The following MAFK variants were observed in gnomAD, a reference collection of about 807,000 sequenced individuals.
MAFK encodes the protein transcription factor MafK.
MAFK carries 1 observed loss-of-function variant against 9.2 expected under a neutral mutation model. That is an observed-to-expected ratio of 0.11 (90% CI 0.04 to 0.52). MAFK has a LOEUF of 0.52. Among genes scored for constraint, MAFK ranks in the 20% least tolerant of loss-of-function variants. The pLI is 0.94. For missense variants in MAFK, 207 were observed against 236.0 expected, an observed-to-expected ratio of 0.88 and a Z score of 0.81; for synonymous variants, 110 against 107.4, an observed-to-expected ratio of 1.02 and a Z score of -0.15.
In MAFK at chr7:1,534,052, A is replaced by C. The variant is rs1431106753; in HGVS notation, c.-45+3154A>C. ...CACAGCTTCCTCAGACTGCAAATGC[A>C]AGGTGACCAGACGTCCTCCAAGCCG... On this transcript the variant is annotated intron_variant, in intron 1 of 2. Coordinates refer to ENST00000343242, the MANE Select transcript of MAFK (RefSeq NM_002360.4). The surrounding 1 kb of genome is among the most constrained non-coding windows in gnomAD (Gnocchi z 4.3). The C allele has an allele frequency of 2.8e-6, 1 of 358,546 alleles. No homozygotes were observed. The highest frequency in any genetic ancestry group is 5.6e-6 in the Non-Finnish European group (1 of 177,656). The allele number at this position is 358,546 out of a possible 1,614,324, so 22.2% of individuals were successfully genotyped here.
chr7:1,539,883 G>T, intron 2 of MAFK, 58 bp from the exon 3 acceptor site: 1 of 1,404,692 alleles, frequency 7.1e-7, no homozygotes, highest in South Asian at 1.4e-5. Context: ...CCCCAGTGTC[G>T]GTCCCAGGCA....
rs1784139289 is a variant in MAFK at position 1,540,072 on chromosome 7, G to A, written c.168G>A (p.Arg56=). The change falls in exon 3 of 3, where the codon CGG becomes CGA. Residue 56 remains arginine (R), a synonymous_variant. Transcript: ENST00000343242. The stretch of plus-strand genomic sequence containing the variant: ...AGGTGACCCGCCTGAAGCAGCGTCG[G>A]CGCACACTCAAGAACCGCGGCTACG... ...KEEVTRLKQR[R]RTLKNRGYAA... is the part of the protein sequence containing the mutation. The A allele has an allele frequency of 2.6e-6, 4 of 1,563,036 alleles. No individual in the cohort carries two copies. Among genetic ancestry groups the A allele is most frequent in the Non-Finnish European group, 3.5e-6 (4 of 1,153,764 alleles).
At chr7:1,533,350 C>A (rs913792339) in intron 1 of MAFK, among the ~76,000 whole-genome samples, 3 of 152,186 alleles carry the variant, frequency 2.0e-5, no homozygotes, top group African/African-American at 7.2e-5. Context: ...CTTCTCCCTG[C>A]TTGCAAGGAG....
intron 1 of MAFK, 112 bp from the exon 2 acceptor site, chr7:1,539,037 C>T (rs999174984): frequency 1.2e-6 from 1 of 803,588 alleles, no homozygotes; most frequent in African/African-American, 1.7e-5. Flanking sequence ...TTTCATGGTG[C>T]TGTGACTGTC....
intron 2 of MAFK, 55 bp downstream of exon 2, chr7:1,539,283 C>G: frequency 7.0e-7 from 1 of 1,431,490 alleles, no homozygotes; most frequent in Non-Finnish European, 9.6e-7. Context: ...GAAAGGCCCC[C>G]GGCCCGACAG....
Position 1,540,226 on chromosome 7 carries a change from C to A in MAFK, c.322C>A (p.Arg108Ser), listed in dbSNP as rs768259709. Residue 108 changes from arginine (R) to serine (S), a missense_variant, in exon 3 of 3, where the codon CGC (arginine) becomes AGC (serine). Transcript: ENST00000343242. ...CATGCGGCTGGAGCTGGACGCCCTG[C>A]GCTCCAAGTACGAGGCGCTGCAGAC... ...SSMRLELDAL[R>S]SKYEALQTFA... 9 of 1,602,258 alleles carry A rather than the reference C, an allele frequency of 5.6e-6. No individual in the cohort carries two copies. The highest frequency in any genetic ancestry group is 5.1e-6 in the Non-Finnish European group (6 of 1,175,464).
At chr7:1,533,694 G>C (rs991916683) in intron 1 of MAFK, among the ~76,000 whole-genome samples, 4 of 152,086 alleles carry the variant, frequency 2.6e-5, no homozygotes, top group African/African-American at 9.7e-5. Flanking sequence ...TGTGGGTTCA[G>C]GCGGGTGATG....
chr7:1,533,774 G>A (rs1179694053), intron 1 of MAFK, among the ~76,000 whole-genome samples: 1 of 151,940 alleles, frequency 6.6e-6, no homozygotes, highest in Non-Finnish European at 1.5e-5. Flanking sequence ...GGCAACTCCG[G>A]TGAATGATGC....
Position 1,534,922 on chromosome 7 carries a change from A to G in MAFK, c.-45+4024A>G, listed in dbSNP as rs982202137. 5.3e-5 allele frequency among the ~76,000 whole-genome samples: 8 copies of G among 151,682 alleles called. No individual in the cohort carries two copies. Among genetic ancestry groups the G allele is most frequent in the African/African-American group, 1.9e-4 (8 of 41,290 alleles). ...CACTCTCTCTTTTTTTTTTTCCTAAAAGATAAGGTCTTGCCCTGTCACTCA... is the reference window on the plus strand; with the variant it reads ...CACTCTCTCTTTTTTTTTTTCCTAAGAGATAAGGTCTTGCCCTGTCACTCA... On this transcript the variant is annotated intron_variant, in intron 1 of 2. Coordinates refer to ENST00000343242, the MANE Select transcript of MAFK (RefSeq NM_002360.4). The surrounding 1 kb of genome is among the most constrained non-coding windows in gnomAD (Gnocchi z 4.3).
chr7:1,542,668 A>G lies in MAFK; in HGVS notation c.*2293A>G, dbSNP rs914591462. 3.3e-5 allele frequency: 5 copies of G among 152,372 alleles called. No homozygotes were observed. Among genetic ancestry groups the G allele is most frequent in the East Asian group, 1.9e-4 (1 of 5,196 alleles). The allele number at this position is 152,372 out of a possible 1,614,324, so 9.4% of individuals were successfully genotyped here. A position where few individuals can be genotyped will look rare whatever the true frequency, so the allele number is the denominator to read the frequency against. The stretch of plus-strand genomic sequence containing the variant: ...AAATTTCATTGTCATGATTTAATAT[A>G]TGGATTTTTTTATTTAAGAAAAAGA... On this transcript the variant is annotated 3_prime_UTR_variant, in exon 3 of 3. Coordinates refer to ENST00000343242, the MANE Select transcript of MAFK (RefSeq NM_002360.4).
At position 1,540,027 on chromosome 7, in the gene MAFK, G is replaced by C. The variant is rs1223673992; in HGVS notation, c.123G>C (p.Leu41=). 17 of 1,559,358 alleles carry C rather than the reference G, an allele frequency of 1.1e-5. No individual in the cohort carries two copies. The highest frequency in any genetic ancestry group is 1.5e-5 in the Non-Finnish European group (17 of 1,151,748). The change falls in exon 3 of 3, where the codon CTG becomes CTC. Residue 41 remains leucine, a synonymous_variant. Coordinates refer to ENST00000343242, the MANE Select transcript of MAFK (RefSeq NM_002360.4). The part of the protein sequence containing the change: ...SMSVRELNQH[L]RGLTKEEVTR... The stretch of plus-strand genomic sequence containing the variant: ...CGGTGCGGGAGCTGAACCAGCACCT[G>C]CGGGGTCTCACCAAGGAGGAGGTGA...
Position 1,533,624 on chromosome 7 carries a change from C to T in MAFK, c.-45+2726C>T, listed in dbSNP as rs1049293383. ...GCACCAGGATCAGGGTGAGGGCATC[C>T]CATTTGGCAAAGCTGTGGTCCAGAC... On this transcript the variant is annotated intron_variant, in intron 1 of 2. Transcript: ENST00000343242. Among the ~76,000 whole-genome samples, 11 of 152,094 alleles carry T rather than the reference C, an allele frequency of 7.2e-5. 1 individual carries two copies. The highest frequency in any genetic ancestry group is 2.7e-4 in the African/African-American group (11 of 41,416).
At position 1,541,462 on chromosome 7, in the gene MAFK, G is replaced by C. The variant is rs1784186744; in HGVS notation, c.*1087G>C. On this transcript the variant is annotated 3_prime_UTR_variant, in exon 3 of 3. Transcript: ENST00000343242. ...GGTGGAAGGAGGAGGACGTTGCGTGGAGTGGTGGGAGGAGGCGGGAGCCGT... is the reference window on the plus strand; with the variant it reads ...GGTGGAAGGAGGAGGACGTTGCGTGCAGTGGTGGGAGGAGGCGGGAGCCGT... The C allele has an allele frequency of 6.5e-6, 1 of 153,524 alleles. No homozygotes were observed. Among genetic ancestry groups the C allele is most frequent in the African/African-American group, 2.4e-5 (1 of 41,426 alleles). 9.5% of individuals were successfully genotyped at this position (153,524 alleles called of 1,614,324 possible).
At chr7:1,535,101 T>C (rs78507462) in intron 1 of MAFK, among the ~76,000 whole-genome samples, 1 of 150,244 alleles carries the variant, frequency 6.7e-6, no homozygotes, top group Admixed American at 6.6e-5. Context: ...TTTTTTTTTT[T>C]TGTAGAGATG....
rs1583205615 is a variant in MAFK at position 1,541,858 on chromosome 7, T to G, written c.*1483T>G. 1 of 152,330 alleles carries G rather than the reference T, an allele frequency of 6.6e-6. No individual in the cohort carries two copies. The highest frequency in any genetic ancestry group is 1.5e-5 in the Non-Finnish European group (1 of 68,086). 9.4% of individuals were successfully genotyped at this position (152,330 alleles called of 1,614,324 possible). ...AGAGCCGCGGGGGTTGCGGAGCCCC[T>G]GCCTGGGGGAGCTGGCGGAATGTGA... On this transcript the variant is annotated 3_prime_UTR_variant, in exon 3 of 3. Coordinates refer to ENST00000343242, the MANE Select transcript of MAFK (RefSeq NM_002360.4).
At chr7:1,537,718 TG>T (rs903682838) in intron 1 of MAFK, 5 of 984,850 alleles carry the variant, frequency 5.1e-6, no homozygotes, top group Non-Finnish European at 2.4e-6. Flanking sequence ...CCTCTTGTTG[TG>T]GGGGTTTGTG....
At chr7:1,535,283 A>G (rs915344590) in intron 1 of MAFK, among the ~76,000 whole-genome samples, 2 of 152,146 alleles carry the variant, frequency 1.3e-5, no homozygotes, top group African/African-American at 4.8e-5. Flanking sequence ...CAGCACAGCA[A>G]GAGGTGCCAA....
chr7:1,539,267 G>A, intron 2 of MAFK, 39 bp downstream of exon 2: 2 of 1,553,286 alleles, frequency 1.3e-6, no homozygotes, highest in South Asian at 2.3e-5. Context: ...TCAAGCACAG[G>A]CGTGGGAAAG....
rs1286697719 is a variant in MAFK at position 1,534,737 on chromosome 7, C to G, written c.-45+3839C>G. Reference sequence around the variant, plus strand: ...GCAAGAACAAGTGACCCATCCAGAGCCCCCATGCTGGCCTCGTAGAGCGAG... The same window carrying G: ...GCAAGAACAAGTGACCCATCCAGAGGCCCCATGCTGGCCTCGTAGAGCGAG... On this transcript the variant is annotated intron_variant, in intron 1 of 2. Coordinates refer to ENST00000343242, the MANE Select transcript of MAFK (RefSeq NM_002360.4). The surrounding 1 kb of genome is among the most constrained non-coding windows in gnomAD (Gnocchi z 4.3). The G allele has an allele frequency of 2.3e-6, 1 of 432,946 alleles. No individual in the cohort carries two copies. The highest frequency in any genetic ancestry group is 2.4e-5 in the Admixed American group (1 of 41,426). The allele number at this position is 432,946 out of a possible 1,614,324, so 26.8% of individuals were successfully genotyped here. A position where few individuals can be genotyped will look rare whatever the true frequency, so the allele number is the denominator to read the frequency against.
Sources: allele counts gnomAD v4.1 joint callset (sites outside exome capture counted in the v4.1 genomes callset), GRCh38; gene constraint gnomAD v4.1.1; non-coding constraint Gnocchi (gnomAD v3.1); transcripts MANE v1.5; gene names NCBI Gene and HGNC (gene_info 2026-07-23, HGNC 2026-07-21).